Variants in TAOK1 observed in about 807,000 individuals in gnomAD.
TAOK1 encodes the protein serine/threonine-protein kinase TAO1.
A neutral mutation model predicts 138.3 loss-of-function variants in TAOK1; 21 were observed. The observed-to-expected ratio is 0.15, with a 90% CI of 0.11 to 0.22. The LOEUF is 0.22. TAOK1 is among the 10% of genes least tolerant of loss of function. The pLI is 1.00. For missense variants in TAOK1, 651 were observed against 1,227.7 expected, an observed-to-expected ratio of 0.53 and a Z score of 7.02; for synonymous variants, 361 against 398.4, an observed-to-expected ratio of 0.91 and a Z score of 1.12.
rs2031934811 is a variant in TAOK1, at chr17:29,522,360, G to A, written c.1989G>A (p.Glu663=). 1 of 1,614,070 alleles carries A rather than the reference G, an allele frequency of 6.2e-7. No individual in the cohort carries two copies. Among genetic ancestry groups the A allele is most frequent in the South Asian group, 1.1e-5 (1 of 91,094 alleles). Residue 663 remains glutamate, a synonymous_variant, in exon 17 of 20, where the codon GAG becomes GAA. Coordinates refer to ENST00000261716, the MANE Select transcript of TAOK1 (RefSeq NM_020791.4). ...LRQHESMQEL[E]FRHLNTIQKM... ...AGCATGAATCTATGCAAGAACTGGAGTTCCGCCACCTCAACACAATTCAGA... is the reference window on the plus strand; with the variant it reads ...AGCATGAATCTATGCAAGAACTGGAATTCCGCCACCTCAACACAATTCAGA...
At chr17:29,397,155 C>T (rs1017931178) in intron 1 of TAOK1, among the ~76,000 whole-genome samples, 1 of 151,022 alleles carries the variant, frequency 6.6e-6, no homozygotes, top group Non-Finnish European at 1.5e-5. Flanking sequence ...ATTAGCCGGG[C>T]GTGGTGGCAC....
intron 1 of TAOK1, among the ~76,000 whole-genome samples, chr17:29,442,540 A>G (rs1394719761): frequency 6.6e-6 from 1 of 152,004 alleles, no homozygotes; most frequent in African/African-American, 2.4e-5. Flanking sequence ...TGCTTTATGT[A>G]TTGTGGCATA....
At chr17:29,520,641 C>CT (rs1236780444) in intron 16 of TAOK1, among the ~76,000 whole-genome samples, 1 of 151,740 alleles carries the variant, frequency 6.6e-6, no homozygotes, top group African/African-American at 2.4e-5. Flanking sequence ...TCTCGAACTC[C>CT]TGACCTCAGA....
At chr17:29,478,545 A>G (rs1485673738) in intron 6 of TAOK1, among the ~76,000 whole-genome samples, 198 bp downstream of exon 6, 5 of 152,192 alleles carry the variant, frequency 3.3e-5, no homozygotes. Flanking sequence ...ATCTTTGCCT[A>G]TATGTGCTGC....
chr17:29,541,851 C>T (rs1257077727), intron 19 of TAOK1, among the ~76,000 whole-genome samples: 1 of 151,944 alleles, frequency 6.6e-6, no homozygotes, highest in Non-Finnish European at 1.5e-5. Context: ...AGGGACATCT[C>T]TTTTTATTTT....
At chr17:29,433,338 C>T (rs965402457) in intron 1 of TAOK1, among the ~76,000 whole-genome samples, 2 of 149,702 alleles carry the variant, frequency 1.3e-5, no homozygotes, top group African/African-American at 4.9e-5. Context: ...GGCTGAGGCA[C>T]GAGAATTGCT....
At chr17:29,393,640 A>G (rs1158312631) in intron 1 of TAOK1, among the ~76,000 whole-genome samples, 1 of 152,170 alleles carries the variant, frequency 6.6e-6, no homozygotes, top group Admixed American at 6.6e-5. Flanking sequence ...TTCTTTCACA[A>G]CTGGCTCTTT....
Position 29,465,837 on chromosome 17 carries a change from C to CTTTTTTTTTTTTTTTTTTTTTTTT in TAOK1, c.133-1304_133-1281dup, listed in dbSNP as rs3058623. 9.9e-4 allele frequency among the ~76,000 whole-genome samples: 45 copies of CTTTTTTTTTTTTTTTTTTTTTTTT among 45,450 alleles called. 19 individuals are homozygous for CTTTTTTTTTTTTTTTTTTTTTTTT. Among genetic ancestry groups the CTTTTTTTTTTTTTTTTTTTTTTTT allele is most frequent in the African/African-American group, 4.6e-3 (40 of 8,722 alleles). The allele number at this position is 45,450 out of a possible 152,430, so 29.8% of individuals were successfully genotyped here. A position where few individuals can be genotyped will look rare whatever the true frequency, so the allele number is the denominator to read the frequency against. ...AAGAGTTAACTGTCAAGTTTCTGTG[C>CTTTTTTTTTTTTTTTTTTTTTTTT]TTTTTTTTTTTTTTTTTTTTTTTTT... is the stretch of plus-strand genomic sequence containing the variant. On this transcript the variant is annotated intron_variant, in intron 2 of 19. Coordinates refer to ENST00000261716, the MANE Select transcript of TAOK1 (RefSeq NM_020791.4).
intron 12 of TAOK1, 35 bp from the exon 13 acceptor site, chr17:29,502,554 C>T (rs890344854): frequency 8.8e-6 from 14 of 1,587,556 alleles, no homozygotes; most frequent in Non-Finnish European, 1.2e-5. Context: ...AAACTGTTCA[C>T]CTTACATAAT....
intron 17 of TAOK1, among the ~76,000 whole-genome samples, chr17:29,526,029 C>T (rs1428743574): frequency 1.3e-5 from 2 of 152,148 alleles, no homozygotes; most frequent in Non-Finnish European, 2.9e-5. Context: ...CGTGGTGGCT[C>T]ATACCTGTAA....
At chr17:29,453,809 GTT>G (rs532165582) in intron 2 of TAOK1, among the ~76,000 whole-genome samples, 9 of 120,206 alleles carry the variant, frequency 7.5e-5, no homozygotes, top group Non-Finnish European at 5.5e-5. Flanking sequence ...AGGTTTTTTT[GTT>G]TTTTTTTTTT....
intron 1 of TAOK1, among the ~76,000 whole-genome samples, chr17:29,434,068 C>T (rs759063724): frequency 2.6e-5 from 4 of 151,952 alleles, no homozygotes; most frequent in African/African-American, 4.8e-5. Context: ...AAACAAGGGG[C>T]GGGGTAAGGA....
intron 16 of TAOK1, among the ~76,000 whole-genome samples, chr17:29,519,068 T>G (rs1274010164): frequency 6.6e-6 from 1 of 152,092 alleles, no homozygotes; most frequent in Non-Finnish European, 1.5e-5. Context: ...TGGCCAGCCT[T>G]GATTTTTACA....
chr17:29,504,478 G>A (rs146719938), intron 13 of TAOK1, among the ~76,000 whole-genome samples: 17 of 151,850 alleles, frequency 1.1e-4, no homozygotes, highest in African/African-American at 3.6e-4. Flanking sequence ...AGACCAACCT[G>A]GCCAACATGG....
At chr17:29,435,752 T>C (rs1016105265) in intron 1 of TAOK1, among the ~76,000 whole-genome samples, 1 of 152,200 alleles carries the variant, frequency 6.6e-6, no homozygotes, top group Non-Finnish European at 1.5e-5. Flanking sequence ...CTTGTTAAAA[T>C]AACCATTTTC....
chr17:29,486,368 T>TA (rs1248477014), intron 8 of TAOK1, among the ~76,000 whole-genome samples: 1 of 152,024 alleles, frequency 6.6e-6, no homozygotes, highest in Admixed American at 6.5e-5. Flanking sequence ...TTCAGTGGCT[T>TA]ATGCCTGTAA....
intron 1 of TAOK1, among the ~76,000 whole-genome samples, chr17:29,412,231 C>T (rs1905163689): frequency 6.6e-6 from 1 of 152,048 alleles, no homozygotes; most frequent in Non-Finnish European, 1.5e-5. Context: ...TTAGTAAAGA[C>T]GGGGTTTCAC....
At chr17:29,432,127 C>G (rs1384040374) in intron 1 of TAOK1, among the ~76,000 whole-genome samples, 2 of 152,176 alleles carry the variant, frequency 1.3e-5, no homozygotes, top group African/African-American at 4.8e-5. Flanking sequence ...GGGCTGACAG[C>G]CTTCAGAGCT....
At chr17:29,514,765 G>C (rs1319340802) in intron 15 of TAOK1, 1 of 151,790 alleles carries the variant, frequency 6.6e-6, no homozygotes, top group Non-Finnish European at 1.5e-5. Flanking sequence ...GCTGAGGTGG[G>C]AGGATCGCTT....
Sources: gnomAD v4.1 joint callset for allele counts (sites outside exome capture counted in the v4.1 genomes callset) on GRCh38, gnomAD v4.1.1 for gene constraint, MANE v1.5 for transcripts, NCBI Gene and HGNC (gene_info 2026-07-23, HGNC 2026-07-21) for gene names.